Variants in DCPS observed in about 807,000 individuals in gnomAD.
The protein encoded by DCPS is m7GpppX diphosphatase.
DCPS carries 27 observed loss-of-function variants against 34.7 expected under a neutral mutation model. The ratio of observed to expected loss-of-function variants is 0.78; its 90% confidence interval spans 0.57 to 1.07. The LOEUF (loss-of-function observed/expected upper bound fraction) is 1.07. Among genes scored for constraint, DCPS ranks in the 50% least tolerant of loss-of-function variants. The pLI is 0.00. For missense variants in DCPS, 464 were observed against 436.9 expected, an observed-to-expected ratio of 1.06 and a Z score of -0.55; for synonymous variants, 185 against 185.7, an observed-to-expected ratio of 1.00 and a Z score of 0.03.
chr11:126,304,519 C>A (rs1022133509), intron 1 of DCPS, among the ~76,000 whole-genome samples: 4 of 152,124 alleles, frequency 2.6e-5, no homozygotes, highest in African/African-American at 9.7e-5. Flanking sequence ...CTAGAAATAT[C>A]TACTGGGAGA....
rs1367660357 is a variant in DCPS, at chr11:126,312,111, A to G, written c.376+5367A>G. Among the ~76,000 whole-genome samples the G allele has an allele frequency of 2.7e-5, 4 of 150,826 alleles. No homozygotes were observed. The highest frequency in any genetic ancestry group is 9.8e-5 in the African/African-American group (4 of 40,980). On this transcript the variant is annotated intron_variant, in intron 2 of 5. Transcript: ENST00000263579. The surrounding 1 kb of genome is among the most constrained non-coding windows in gnomAD (Gnocchi z 5.1). ...ATGCCTGGCTAATTTTTGTGTTTTTAGTAGAGATGGGGTTTCACCACATTG... is the reference window on the plus strand; with the variant it reads ...ATGCCTGGCTAATTTTTGTGTTTTTGGTAGAGATGGGGTTTCACCACATTG...
intron 4 of DCPS, among the ~76,000 whole-genome samples, chr11:126,343,067 C>CAA (rs34804017): frequency 2.3e-4 from 24 of 102,224 alleles, no homozygotes; most frequent in African/African-American, 8.5e-4. Flanking sequence ...GAGACTCTGT[C>CAA]AAAAAAAAAA....
Position 126,329,217 on chromosome 11 carries a change from A to G in DCPS, c.377-2188A>G, listed in dbSNP as rs1412917179. 1.3e-5 allele frequency among the ~76,000 whole-genome samples: 2 copies of G among 152,182 alleles called. No homozygotes were observed. Among genetic ancestry groups the G allele is most frequent in the Non-Finnish European group, 2.9e-5 (2 of 68,038 alleles). On this transcript the variant is annotated intron_variant, in intron 2 of 5. Coordinates refer to ENST00000263579, the MANE Select transcript of DCPS (RefSeq NM_014026.6). The surrounding 1 kb of genome is among the most constrained non-coding windows in gnomAD (Gnocchi z 5.0). ...GTTAGAGAACAGAGTGAGAAGCAAG[A>G]AAGAGTCTTTTGCTGCTCCTCAGAG...
rs371678533 is a variant in DCPS at position 126,305,849 on chromosome 11, T to TA, written c.202-720dup. ...AGTGTGCAGCACCTGTTGAAGGTGT[T>TA]AGTCATGAGAGCCTTCGAGCTAGGA... On this transcript the variant is annotated intron_variant, in intron 1 of 5. Coordinates refer to ENST00000263579, the MANE Select transcript of DCPS (RefSeq NM_014026.6). 3.6e-3 allele frequency among the ~76,000 whole-genome samples: 550 copies of TA among 152,312 alleles called. 2 individuals are homozygous for TA. The highest frequency in any genetic ancestry group is 0.014 in the Middle Eastern group (4 of 294).
chr11:126,314,779 G>A (rs528463364), intron 2 of DCPS, among the ~76,000 whole-genome samples: 1 of 152,214 alleles, frequency 6.6e-6, no homozygotes, highest in African/African-American at 2.4e-5. Flanking sequence ...TCATATGTGG[G>A]AGCTAAGCTA....
Position 126,306,850 on chromosome 11 carries a change from A to G in DCPS, c.376+106A>G, listed in dbSNP as rs571914967. 2.1e-5 allele frequency: 28 copies of G among 1,305,656 alleles called. No individual in the cohort carries two copies. The South Asian group carries it at 4.4e-4, about 20-fold the overall frequency. The allele number at this position is 1,305,656 out of a possible 1,614,324, so 80.9% of individuals were successfully genotyped here. A position where few individuals can be genotyped will look rare whatever the true frequency, so the allele number is the denominator to read the frequency against. On this transcript the variant is annotated intron_variant, in intron 2 of 5. Coordinates refer to ENST00000263579, the MANE Select transcript of DCPS (RefSeq NM_014026.6). ...CTATACCCGATTTGCATATTCTAGT[A>G]CAATAGGGAGATTACTTCCCTAGGG...
intron 4 of DCPS, among the ~76,000 whole-genome samples, chr11:126,339,978 T>C (rs1483289596): frequency 2.6e-5 from 4 of 152,216 alleles, no homozygotes; most frequent in Non-Finnish European, 5.9e-5. Flanking sequence ...CACCAGACTC[T>C]TGAAGACTGA....
chr11:126,326,764 A>G (rs527752312), intron 2 of DCPS, among the ~76,000 whole-genome samples: 2 of 152,274 alleles, frequency 1.3e-5, no homozygotes, highest in Admixed American at 6.5e-5. Context: ...TCTACTAAAA[A>G]TACAAAAAAT....
rs1469135223 is a variant in DCPS at position 126,348,741 on chromosome 11, G to A, written c.*3128G>A. 6.6e-6 allele frequency among the ~76,000 whole-genome samples: 1 copy of A among 152,178 alleles called. No homozygotes were observed. The highest frequency in any genetic ancestry group is 1.5e-5 in the Non-Finnish European group (1 of 68,032). ...CCTCACTAGACTGAGAGGGTCTTGAGGGTAGGAGCTTTGTTTTAGTTATCT... is the reference window on the plus strand; with the variant it reads ...CCTCACTAGACTGAGAGGGTCTTGAAGGTAGGAGCTTTGTTTTAGTTATCT... On this transcript the variant is annotated 3_prime_UTR_variant, in exon 6 of 6. Transcript: ENST00000263579. The surrounding 1 kb of genome is among the most constrained non-coding windows in gnomAD (Gnocchi z 5.3).
chr11:126,345,670 A>AT lies in DCPS; in HGVS notation c.*63dup, dbSNP rs981227496. 112 of 1,572,458 alleles carry AT rather than the reference A, an allele frequency of 7.1e-5. No homozygotes were observed. The highest frequency in any genetic ancestry group is 4.1e-4 in the East Asian group (18 of 44,364). ...GGATTGGGGGAGGAGTGGGGACAAG[A>AT]TTTTTTATCTCCAAGTGAATTTTCT... On this transcript the variant is annotated 3_prime_UTR_variant, in exon 6 of 6. Coordinates refer to ENST00000263579, the MANE Select transcript of DCPS (RefSeq NM_014026.6). This position sits in a 1 kb window ranked among gnomAD's most constrained non-coding sequence, Gnocchi z 7.4.
At chr11:126,307,811 C>T (rs1180247917) in intron 2 of DCPS, among the ~76,000 whole-genome samples, 1 of 152,216 alleles carries the variant, frequency 6.6e-6, no homozygotes, top group Non-Finnish European at 1.5e-5. Flanking sequence ...ATCCTCAAAA[C>T]AGCCCTCTTG....
chr11:126,348,383 C>T lies in DCPS; in HGVS notation c.*2770C>T, dbSNP rs913898760. On this transcript the variant is annotated 3_prime_UTR_variant, in exon 6 of 6. Coordinates refer to ENST00000263579, the MANE Select transcript of DCPS (RefSeq NM_014026.6). The surrounding 1 kb of genome is among the most constrained non-coding windows in gnomAD (Gnocchi z 5.3). ...CCCCTCTCCAGGCCTCACCACTTAA[C>T]TTTTCTTGTACATGGAAAGACAAGC... Among the ~76,000 whole-genome samples the T allele has an allele frequency of 3.9e-5, 6 of 152,218 alleles. No homozygotes were observed. The highest frequency in any genetic ancestry group is 2.1e-4 in the South Asian group (1 of 4,836).
intron 2 of DCPS, among the ~76,000 whole-genome samples, chr11:126,309,871 A>AT (rs1951607011): frequency 6.6e-6 from 1 of 151,926 alleles, no homozygotes; most frequent in African/African-American, 2.4e-5. Context: ...TTTTCCTCCC[A>AT]TCTTCCTTCC....
At position 126,344,109 on chromosome 11, in the gene DCPS, T is replaced by A. The variant is rs1951898696; in HGVS notation, c.747+692T>A. Among the ~76,000 whole-genome samples, 2 of 150,072 alleles carry A rather than the reference T, an allele frequency of 1.3e-5. No homozygotes were observed. The highest frequency in any genetic ancestry group is 4.8e-5 in the African/African-American group (2 of 41,240). On this transcript the variant is annotated intron_variant, in intron 5 of 5. Transcript: ENST00000263579. The surrounding 1 kb of genome is among the most constrained non-coding windows in gnomAD (Gnocchi z 8.1). Reference sequence around the variant, plus strand: ...GGCTGGGTCTGAGTCTTTTTTCCACTCTGAAATGTGATGCTCTGCCTAACA... The same window carrying A: ...GGCTGGGTCTGAGTCTTTTTTCCACACTGAAATGTGATGCTCTGCCTAACA...
In DCPS at chr11:126,319,482, C is replaced by T. The variant is rs547894876; in HGVS notation, c.377-11923C>T. Among the ~76,000 whole-genome samples the T allele has an allele frequency of 3.3e-5, 5 of 152,256 alleles. No individual in the cohort carries two copies. The highest frequency in any genetic ancestry group is 2.1e-4 in the South Asian group (1 of 4,818). On this transcript the variant is annotated intron_variant, in intron 2 of 5. Transcript: ENST00000263579. The surrounding 1 kb of genome is among the most constrained non-coding windows in gnomAD (Gnocchi z 4.5). ...ATCCCCTGGTAAGGCTGTCCTCACACGGCTCTCCAGAGCTCAGGGGAGTGG... is the reference window on the plus strand; with the variant it reads ...ATCCCCTGGTAAGGCTGTCCTCACATGGCTCTCCAGAGCTCAGGGGAGTGG...
rs551510705 is a variant in DCPS, at chr11:126,328,123, G to A, written c.377-3282G>A. ...GCCTGGAGAGGAGCCCATGGCTGACGCGAGTTAGTGGGTCAGTGGGGAGCC... is the reference window on the plus strand; with the variant it reads ...GCCTGGAGAGGAGCCCATGGCTGACACGAGTTAGTGGGTCAGTGGGGAGCC... On this transcript the variant is annotated intron_variant, in intron 2 of 5. Coordinates refer to ENST00000263579, the MANE Select transcript of DCPS (RefSeq NM_014026.6). The surrounding 1 kb of genome is among the most constrained non-coding windows in gnomAD (Gnocchi z 6.6). 6.6e-6 allele frequency among the ~76,000 whole-genome samples: 1 copy of A among 152,216 alleles called. No individual in the cohort carries two copies. Among genetic ancestry groups the A allele is most frequent in the African/African-American group, 2.4e-5 (1 of 41,460 alleles).
In DCPS at chr11:126,331,551, G is replaced by C. The variant is rs377018462; in HGVS notation, c.522+1G>C. On this transcript the variant is annotated splice_donor_variant, in intron 3 of 5. Transcript: ENST00000263579. LOFTEE classifies it high-confidence loss of function. This position sits in a 1 kb window ranked among gnomAD's most constrained non-coding sequence, Gnocchi z 7.2. The stretch of plus-strand genomic sequence containing the variant: ...GGAGTCCCAGAGCCTCAGCATCCAG[G>C]TGACTGGCTGCATGTCTCAGACGCA... 6.2e-7 allele frequency: 1 copy of C among 1,613,678 alleles called. No individual in the cohort carries two copies. The highest frequency in any genetic ancestry group is 1.3e-5 in the African/African-American group (1 of 74,908).
chr11:126,348,824 G>A lies in DCPS; in HGVS notation c.*3211G>A, dbSNP rs1951962043. On this transcript the variant is annotated 3_prime_UTR_variant, in exon 6 of 6. Transcript: ENST00000263579. This position sits in a 1 kb window ranked among gnomAD's most constrained non-coding sequence, Gnocchi z 5.3. ...TCAGCAAACCAACCTTTGAGACAAA[G>A]CAACATTATAACACTACATTCATAT... 6.6e-6 allele frequency among the ~76,000 whole-genome samples: 1 copy of A among 152,178 alleles called. No homozygotes were observed. Among genetic ancestry groups the A allele is most frequent in the Non-Finnish European group, 1.5e-5 (1 of 68,044 alleles).
In DCPS at chr11:126,349,059, A is replaced by G. The variant is rs1009379001; in HGVS notation, c.*3446A>G. 6.6e-6 allele frequency among the ~76,000 whole-genome samples: 1 copy of G among 152,208 alleles called. No individual in the cohort carries two copies. The highest frequency in any genetic ancestry group is 2.4e-5 in the African/African-American group (1 of 41,450). On this transcript the variant is annotated 3_prime_UTR_variant, in exon 6 of 6. Transcript: ENST00000263579. The surrounding 1 kb of genome is among the most constrained non-coding windows in gnomAD (Gnocchi z 5.4). ...ATGGAGGACCAGAGCTAGGCTCTGA[A>G]TGAGGCCTCCTGGATCTCACGCAGG... is the stretch of plus-strand genomic sequence containing the variant.
Sources: gnomAD v4.1 joint callset for allele counts (sites outside exome capture counted in the v4.1 genomes callset) on GRCh38, gnomAD v4.1.1 for gene constraint, Gnocchi (gnomAD v3.1) non-coding constraint, MANE v1.5 for transcripts, NCBI Gene and HGNC (gene_info 2026-07-23, HGNC 2026-07-21) for gene names.